Variants in TANC2 observed in about 807,000 individuals in gnomAD.
The protein encoded by TANC2 is tetratricopeptide repeat, ankyrin repeat and coiled-coil containing 2.
TANC2 carries 26 observed loss-of-function variants against 210.5 expected under a neutral mutation model. That is an observed-to-expected ratio of 0.12 (90% CI 0.09 to 0.17). The LOEUF (loss-of-function observed/expected upper bound fraction) is 0.17, where lower values mean the gene tolerates loss of function less well. Among genes scored for constraint, TANC2 ranks in the 10% least tolerant of loss-of-function variants. The pLI is 1.00. For missense variants in TANC2, 2,129 were observed against 2,608.9 expected, an observed-to-expected ratio of 0.82 and a Z score of 4.01; for synonymous variants, 931 against 967.1, an observed-to-expected ratio of 0.96 and a Z score of 0.69.
chr17:62,982,509 C>G (rs923772161), intron 1 of TANC2, among the ~76,000 whole-genome samples: 23 of 152,156 alleles, frequency 1.5e-4, no homozygotes, highest in African/African-American at 5.5e-4. Flanking sequence ...CAATTTACCT[C>G]AACCATTCAC....
At chr17:63,102,718 A>G (rs1300383018) in intron 4 of TANC2, among the ~76,000 whole-genome samples, 2 of 151,868 alleles carry the variant, frequency 1.3e-5, no homozygotes, top group Non-Finnish European at 2.9e-5. Flanking sequence ...AGTATGATCC[A>G]ATTTACCTTG....
rs1172991031 is a variant in TANC2, at chr17:63,412,082, C to T, written c.3850C>T (p.Arg1284Trp). Residue 1284 changes from arginine to tryptophan, a missense_variant, in exon 23 of 28, where the codon CGG becomes TGG. Physicochemically the swap from Arg to Trp is moderately radical, Grantham distance 101. Around this residue, in one of 5 missense-constraint regions of TANC2, gnomAD observed 644 missense variants for 937.5 expected, o/e 0.69. Transcript: ENST00000689528. This position sits in a 1 kb window ranked among gnomAD's most constrained non-coding sequence, Gnocchi z 4.2. The stretch of plus-strand genomic sequence containing the variant: ...CCCTTTGGATAGGGCAGTGGGGTGC[C>T]GGAACACTTCTGTTGTTGTCACTCT... 1.4e-5 allele frequency: 22 copies of T among 1,613,816 alleles called. No homozygotes were observed. Among genetic ancestry groups the T allele is most frequent in the Non-Finnish European group, 1.7e-5 (20 of 1,179,866 alleles).
In TANC2 at chr17:63,203,203, T is replaced by C. The variant is rs559658679; in HGVS notation, c.769+2246T>C. 2.6e-5 allele frequency among the ~76,000 whole-genome samples: 4 copies of C among 152,314 alleles called. No individual in the cohort carries two copies. In the South Asian group the frequency reaches 6.2e-4, roughly 24 times the overall value. ...CCCTTTTCTCGTTCTTTGTTGACAC[T>C]AGCTAGCCCAGTTCTAAAATCTGAA... On this transcript the variant is annotated intron_variant, in intron 7 of 27. Transcript: ENST00000689528.
chr17:63,304,435 A>G (rs560044285), intron 9 of TANC2, among the ~76,000 whole-genome samples: 1 of 152,172 alleles, frequency 6.6e-6, no homozygotes, highest in South Asian at 2.1e-4. Context: ...GCTGGAGAGC[A>G]GCAAAGATGG....
chr17:63,199,241 C>G (rs1209400996), intron 6 of TANC2, among the ~76,000 whole-genome samples: 2 of 152,096 alleles, frequency 1.3e-5, no homozygotes, highest in Non-Finnish European at 2.9e-5. Context: ...TGAAAGGCTT[C>G]TTTTAAATTT....
At chr17:63,063,641 A>G (rs150121380) in intron 2 of TANC2, among the ~76,000 whole-genome samples, 23 of 144,664 alleles carry the variant, frequency 1.6e-4, no homozygotes, top group Non-Finnish European at 1.5e-5. Context: ...GTAGAGATAC[A>G]TCTCTTACAA....
intron 26 of TANC2, among the ~76,000 whole-genome samples, chr17:63,417,763 G>T (rs951195564): frequency 3.3e-5 from 5 of 152,138 alleles, no homozygotes; most frequent in African/African-American, 1.2e-4. Context: ...GCTGGTCAGA[G>T]AATTGAACCC....
intron 5 of TANC2, among the ~76,000 whole-genome samples, chr17:63,163,425 CA>C (rs2040096444): frequency 6.6e-6 from 1 of 151,958 alleles, no homozygotes; most frequent in Non-Finnish European, 1.5e-5. Context: ...GAGAGTAAAC[CA>C]ATAGCTATAA....
chr17:63,309,568 A>C lies in TANC2; in HGVS notation c.1160-4820A>C, dbSNP rs186734062. On this transcript the variant is annotated intron_variant, in intron 9 of 27. Coordinates refer to ENST00000689528, the Ensembl canonical transcript of TANC2. ...GTGTAATATATATCTGCTAAGATGA[A>C]ATAATTATCTGTCTTTGGTTTAAGA... is the stretch of plus-strand genomic sequence containing the variant. 3.3e-3 allele frequency among the ~76,000 whole-genome samples: 499 copies of C among 152,308 alleles called. 3 individuals carry two copies. The highest frequency in any genetic ancestry group is 0.011 in the African/African-American group (447 of 41,572).
chr17:63,036,249 A>G (rs1020334411), intron 2 of TANC2, among the ~76,000 whole-genome samples: 1 of 152,064 alleles, frequency 6.6e-6, no homozygotes, highest in East Asian at 1.9e-4. Context: ...GTTTCTTCTG[A>G]AAGTTTTATA....
chr17:63,063,527 A>G (rs533464749), intron 2 of TANC2, among the ~76,000 whole-genome samples: 3 of 136,652 alleles, frequency 2.2e-5, no homozygotes, highest in Non-Finnish European at 4.7e-5. Flanking sequence ...AACTGGGACA[A>G]AGACGTGTGT....
chr17:63,259,059 G>A (rs1211785756), intron 8 of TANC2, among the ~76,000 whole-genome samples: 1 of 152,146 alleles, frequency 6.6e-6, no homozygotes, highest in Non-Finnish European at 1.5e-5. Context: ...TGCCAGTACT[G>A]GGTCCTTCCT....
chr17:63,077,686 A>C (rs552885307), intron 3 of TANC2, among the ~76,000 whole-genome samples: 1 of 152,332 alleles, frequency 6.6e-6, no homozygotes, highest in South Asian at 2.1e-4. Flanking sequence ...TGTGTAAGAA[A>C]GGAGATGTTA....
chr17:63,087,373 C>G (rs763468111), intron 3 of TANC2, among the ~76,000 whole-genome samples: 4 of 152,082 alleles, frequency 2.6e-5, no homozygotes, highest in Non-Finnish European at 4.4e-5. Flanking sequence ...TTTTGGTGAG[C>G]CTGTGCCCCT....
Position 63,373,084 on chromosome 17 carries a change from TG to T in TANC2, c.2583-6630del, listed in dbSNP as rs2047320325. 3.9e-5 allele frequency among the ~76,000 whole-genome samples: 6 copies of T among 152,010 alleles called. No individual in the cohort carries two copies. In the South Asian group the frequency reaches 1.2e-3, roughly 32 times the overall value. ...TAATTTTTTAAATTTTTTGTGGAGA[TG>T]GGGTCTCGCTATGGTATCCAGGCTG... On this transcript the variant is annotated intron_variant, in intron 14 of 27. Coordinates refer to ENST00000689528, the Ensembl canonical transcript of TANC2.
At chr17:63,066,108 T>C (rs538151214) in intron 2 of TANC2, among the ~76,000 whole-genome samples, 1 of 152,128 alleles carries the variant, frequency 6.6e-6, no homozygotes, top group South Asian at 2.1e-4. Flanking sequence ...GGGATGGGCC[T>C]GGACCTGGGT....
At chr17:63,180,327 C>A (rs73323732) in intron 5 of TANC2, among the ~76,000 whole-genome samples, 3,178 of 152,250 alleles carry the variant, frequency 0.021, 103 homozygotes, top group African/African-American at 0.071. Context: ...AAAGACTAAT[C>A]TTTTTTATCA....
intron 19 of TANC2, among the ~76,000 whole-genome samples, chr17:63,399,640 C>G (rs537939764): frequency 1.3e-5 from 2 of 152,164 alleles, no homozygotes; most frequent in East Asian, 1.9e-4. Context: ...GTAGAGTAAC[C>G]CCAGATATGT....
chr17:62,972,386 C>G (rs1362847897), intron 1 of TANC2, among the ~76,000 whole-genome samples: 1 of 152,124 alleles, frequency 6.6e-6, no homozygotes, highest in Non-Finnish European at 1.5e-5. Context: ...CAATTTCTGT[C>G]TTTATTCACT....
Sources: gnomAD v4.1 joint callset for allele counts (sites outside exome capture counted in the v4.1 genomes callset) on GRCh38, gnomAD v4.1.1 for gene constraint, gnomAD v4.1.1 regional missense constraint, Gnocchi (gnomAD v3.1) non-coding constraint, MANE v1.5 for transcripts, NCBI Gene and HGNC (gene_info 2026-07-23, HGNC 2026-07-21) for gene names.